The following AGBL3 variants were observed in gnomAD, a reference collection of about 807,000 sequenced individuals.
The protein encoded by AGBL3 is cytosolic carboxypeptidase 3.
Under a neutral mutation model 94.5 loss-of-function variants are expected in AGBL3, and 68 were observed. The ratio of observed to expected loss-of-function variants is 0.72; its 90% CI spans 0.59 to 0.88. AGBL3 has a LOEUF of 0.88. Among genes scored for constraint, AGBL3 ranks in the 40% least tolerant of loss-of-function variants. The pLI is 0.00. For missense variants in AGBL3, 934 were observed against 1,103.8 expected (o/e 0.85, Z 2.18); for synonymous variants, 354 against 370.7 (o/e 0.95, Z 0.52).
At chr7:135,005,529 A>C (rs1055129959) in intron 4 of AGBL3, among the ~76,000 whole-genome samples, 3 of 151,660 alleles carry the variant, frequency 2.0e-5, no homozygotes, top group Non-Finnish European at 3.0e-5. Flanking sequence ...TAAGATGTCA[A>C]CTCTCCCCAG....
intron 15 of AGBL3, among the ~76,000 whole-genome samples, chr7:135,110,796 C>A (rs1825527077): frequency 6.6e-6 from 1 of 152,186 alleles, no homozygotes; most frequent in South Asian, 2.1e-4. Flanking sequence ...CAACCACTTT[C>A]TTAACAATGT....
At chr7:135,031,370 ATGCCTCAGTCTCC>A (rs1815723204) in intron 5 of AGBL3, among the ~76,000 whole-genome samples, 1 of 151,972 alleles carries the variant, frequency 6.6e-6, no homozygotes, top group African/African-American at 2.4e-5. Flanking sequence ...AGCGATTCTC[ATGCCTCAGTCTCC>A]TGAGTAGCTG....
Position 135,037,589 on chromosome 7 carries a change from C to G in AGBL3, c.1500+9C>G, listed in dbSNP as rs949984565. Reference sequence around the variant, plus strand: ...AAAATTGTCCAGATAAAGTAAGCACCTTTTAAGGTATTAACTTTTCCTTTA... The same window carrying G: ...AAAATTGTCCAGATAAAGTAAGCACGTTTTAAGGTATTAACTTTTCCTTTA... On this transcript the variant is annotated intron_variant, in intron 8 of 16. Transcript: ENST00000436302. The G allele has an allele frequency of 7.2e-6, 11 of 1,528,602 alleles. No homozygotes were observed. Among genetic ancestry groups the G allele is most frequent in the Non-Finnish European group, 9.7e-6 (11 of 1,136,960 alleles). The allele number at this position is 1,528,602 out of a possible 1,614,324, so 94.7% of individuals were successfully genotyped here. A position where few individuals can be genotyped will look rare whatever the true frequency, so the allele number is the denominator to read the frequency against.
intron 15 of AGBL3, among the ~76,000 whole-genome samples, chr7:135,107,016 A>G (rs1249010335): frequency 6.6e-6 from 1 of 152,140 alleles, no homozygotes; most frequent in African/African-American, 2.4e-5. Flanking sequence ...TGTTCATAGT[A>G]GTCTCTGATT....
At chr7:135,076,524 G>T (rs1175492640) in intron 13 of AGBL3, 56 bp downstream of exon 13, 1 of 1,329,206 alleles carries the variant, frequency 7.5e-7, no homozygotes, top group Non-Finnish European at 1.0e-6. Flanking sequence ...AAAGAGAATG[G>T]CAAGTTATTT....
At chr7:135,073,380 A>G (rs995192974) in intron 12 of AGBL3, among the ~76,000 whole-genome samples, 1 of 152,072 alleles carries the variant, frequency 6.6e-6, no homozygotes, top group East Asian at 1.9e-4. Context: ...TGAGGCAAGG[A>G]AAATCACTTG....
At chr7:135,083,897 G>A (rs1821118049) in intron 15 of AGBL3, among the ~76,000 whole-genome samples, 1 of 152,228 alleles carries the variant, frequency 6.6e-6, no homozygotes, top group African/African-American at 2.4e-5. Flanking sequence ...CCCATAATTT[G>A]TATTGTTTAT....
chr7:135,034,300 C>G lies in AGBL3; in HGVS notation c.709C>G (p.Arg237Gly). Reference sequence around the variant, plus strand: ...CACCAAACCTGCTAGTCTTTACAGTCGGGGTATGCGCCCACTGTTCTATTC... The same window carrying G: ...CACCAAACCTGCTAGTCTTTACAGTGGGGGTATGCGCCCACTGTTCTATTC... ...NFTKPASLYS[R>G]GMRPLFYSEK... is the part of the protein sequence containing the mutation. Residue 237 changes from arginine to glycine, a missense_variant, in exon 7 of 17, where the codon CGG (arginine) becomes GGG (glycine). Arg to Gly is a moderately radical substitution (Grantham distance 125). Around this residue, in one of 3 missense-constraint regions of AGBL3, gnomAD observed 488 missense variants for 563.6 expected, o/e 0.87. Coordinates refer to ENST00000436302, the MANE Select transcript of AGBL3 (RefSeq NM_178563.4). 1 of 1,551,648 alleles carries G rather than the reference C, an allele frequency of 6.4e-7. No individual in the cohort carries two copies. The highest frequency in any genetic ancestry group is 8.7e-7 in the Non-Finnish European group (1 of 1,146,990).
At chr7:135,128,811 T>C (rs1317063938) in intron 16 of AGBL3, 1 of 1,173,346 alleles carries the variant, frequency 8.5e-7, no homozygotes, top group Non-Finnish European at 1.3e-6. Context: ...AAGAGGAAAC[T>C]GTGGATGAGA....
chr7:135,127,193 C>G (rs1465235406), intron 16 of AGBL3, among the ~76,000 whole-genome samples: 5 of 151,670 alleles, frequency 3.3e-5, no homozygotes, highest in Non-Finnish European at 5.9e-5. Context: ...ACAACCCCAT[C>G]AAAAAGTGGG....
intron 8 of AGBL3, 111 bp downstream of exon 8, chr7:135,037,691 T>A: frequency 1.2e-6 from 1 of 829,284 alleles, no homozygotes; most frequent in Non-Finnish European, 1.7e-6. Context: ...TTTTAGTTAG[T>A]TTGACCAGTT....
intron 5 of AGBL3, among the ~76,000 whole-genome samples, chr7:135,026,244 A>ATTATTTTATTTTATTTTATTTTAT (rs1815089107): frequency 2.5e-5 from 2 of 81,464 alleles, no homozygotes; most frequent in African/African-American, 7.8e-5. Context: ...AATGAATACC[A>ATTATTTTATTTTATTTTATTTTAT]TTATTTTATT....
In AGBL3 at chr7:135,037,112, G is replaced by A. The variant is rs558700675; in HGVS notation, c.1338-306G>A. Among the ~76,000 whole-genome samples, 345 of 152,206 alleles carry A rather than the reference G, an allele frequency of 2.3e-3. 1 individual carries two copies. Among genetic ancestry groups the A allele is most frequent in the African/African-American group, 7.6e-3 (316 of 41,536 alleles). On this transcript the variant is annotated intron_variant, in intron 7 of 16. Coordinates refer to ENST00000436302, the MANE Select transcript of AGBL3 (RefSeq NM_178563.4). ...TTTTTGTATTTTTAGTAGAGAGGTG[G>A]TTTCGCCACATTGGCCAGGCTGGTC...
intron 15 of AGBL3, among the ~76,000 whole-genome samples, chr7:135,111,075 A>G (rs1386050009): frequency 2.0e-5 from 3 of 152,194 alleles, no homozygotes; most frequent in Non-Finnish European, 4.4e-5. Context: ...CTTTACCCTC[A>G]GTAGATGACC....
At chr7:135,079,616 C>T (rs1045729893) in intron 13 of AGBL3, among the ~76,000 whole-genome samples, 9 of 135,004 alleles carry the variant, frequency 6.7e-5, no homozygotes, top group African/African-American at 2.5e-4. Flanking sequence ...CAGGTGACTG[C>T]CACCACTCCC....
intron 2 of AGBL3, among the ~76,000 whole-genome samples, chr7:134,988,802 T>G (rs1296240195): frequency 7.5e-6 from 1 of 133,214 alleles, no homozygotes; most frequent in African/African-American, 4.1e-5. Flanking sequence ...GCCTGGCTAA[T>G]TTTTTTTGTA....
At chr7:134,989,755 C>T (rs1809983967) in intron 3 of AGBL3, among the ~76,000 whole-genome samples, 1 of 151,992 alleles carries the variant, frequency 6.6e-6, no homozygotes, top group Non-Finnish European at 1.5e-5. Context: ...TACTTTCAAA[C>T]TCTAAGATAT....
intron 5 of AGBL3, among the ~76,000 whole-genome samples, chr7:135,027,665 C>T (rs1563197063): frequency 6.6e-6 from 1 of 151,238 alleles, no homozygotes; most frequent in African/African-American, 2.4e-5. Flanking sequence ...TCTGAGTTGG[C>T]TTTTTTTTCT....
intron 16 of AGBL3, among the ~76,000 whole-genome samples, chr7:135,122,223 G>A (rs1470478396): frequency 6.6e-6 from 1 of 152,194 alleles, no homozygotes; most frequent in Non-Finnish European, 1.5e-5. Flanking sequence ...TGAACAGCTT[G>A]GTTCCAAGAC....
Sources: allele counts gnomAD v4.1 joint callset (sites outside exome capture counted in the v4.1 genomes callset), GRCh38; gene constraint gnomAD v4.1.1; regional missense constraint gnomAD v4.1.1; transcripts MANE v1.5; gene names NCBI Gene and HGNC (gene_info 2026-07-23, HGNC 2026-07-21).